The following GADD45A variants were observed in gnomAD, a reference collection of about 807,000 sequenced individuals.
GADD45A encodes growth arrest and DNA damage inducible alpha, also known as growth arrest and DNA damage-inducible protein GADD45 alpha.
Under a neutral mutation model 17.7 loss-of-function variants are expected in GADD45A, and 9 were observed. The ratio of observed to expected loss-of-function variants is 0.51; its 90% confidence interval spans 0.31 to 0.89. GADD45A has a LOEUF of 0.89. Among genes scored for constraint, GADD45A ranks in the 40% least tolerant of loss-of-function variants. The pLI, the probability that GADD45A is intolerant of heterozygous loss-of-function variation, is 0.05. For synonymous variants in GADD45A, 95 were observed against 92.2 expected, an observed-to-expected ratio of 1.03 and a Z score of -0.17; for missense variants, 149 against 220.6, an observed-to-expected ratio of 0.68 and a Z score of 2.06.
Position 67,685,296 on chromosome 1 carries a change from C to G in GADD45A, c.-199C>G, listed in dbSNP as rs1410829780. On this transcript the variant is annotated 5_prime_UTR_variant, in exon 1 of 4. Coordinates refer to ENST00000370986, the MANE Select transcript of GADD45A (RefSeq NM_001924.4). Reference sequence around the variant, plus strand: ...CCGGGGAGCGAGCGAGCAAGCAAGGCGGGAGGGGTGGCCGGAGCTGCGGCG... The same window carrying G: ...CCGGGGAGCGAGCGAGCAAGCAAGGGGGGAGGGGTGGCCGGAGCTGCGGCG... 3 of 533,916 alleles carry G rather than the reference C, an allele frequency of 5.6e-6. No individual in the cohort carries two copies. In the African/African-American group the frequency reaches 6.1e-5, roughly 11 times the overall value. The allele number at this position is 533,916 out of a possible 1,614,324, so 33.1% of individuals were successfully genotyped here.
rs1646147858 is a variant in GADD45A, at chr1:67,688,028, A to G, written c.*254A>G. On this transcript the variant is annotated 3_prime_UTR_variant, in exon 4 of 4. Transcript: ENST00000370986. The stretch of plus-strand genomic sequence containing the variant: ...AAAGGAACAAAAATTACAAAGAACC[A>G]TGCAGGAAGGAAAACTATGTATTAA... 2 of 392,500 alleles carry G rather than the reference A, an allele frequency of 5.1e-6. No individual in the cohort carries two copies. The highest frequency in any genetic ancestry group is 3.9e-5 in the East Asian group (1 of 25,824). 24.3% of individuals were successfully genotyped at this position (392,500 alleles called of 1,614,324 possible).
chr1:67,685,551 G>GC lies in GADD45A; in HGVS notation c.44+14dup. On this transcript the variant is annotated intron_variant, in intron 1 of 3. Coordinates refer to ENST00000370986, the MANE Select transcript of GADD45A (RefSeq NM_001924.4). ...AGAAGACCGAAAGGTGAGTCGGCCT[G>GC]CGGACTCTTCCGGCCCGAACTTCTC... 1.2e-6 allele frequency: 2 copies of GC among 1,602,348 alleles called. No individual in the cohort carries two copies. Among genetic ancestry groups the GC allele is most frequent in the Non-Finnish European group, 1.7e-6 (2 of 1,173,720 alleles).
chr1:67,687,645 A>G lies in GADD45A; in HGVS notation c.385-16A>G, dbSNP rs769661908. On this transcript the variant is annotated splice_polypyrimidine_tract_variant and intron_variant, in intron 3 of 3. Transcript: ENST00000370986. ...TGGTTTTTAAAATAAGTTTATTTTT[A>G]TAAATTTGTTTCCAGAATCCACATT... 1 of 1,442,346 alleles carries G rather than the reference A, an allele frequency of 6.9e-7. No homozygotes were observed. The highest frequency in any genetic ancestry group is 9.8e-7 in the Non-Finnish European group (1 of 1,024,996). The allele number at this position is 1,442,346 out of a possible 1,614,324, so 89.3% of individuals were successfully genotyped here.
intron 3 of GADD45A, 116 bp from the exon 4 acceptor site, chr1:67,687,545 T>C (rs1646144338): frequency 1.5e-6 from 1 of 658,250 alleles, no homozygotes; most frequent in Admixed American, 2.8e-5. Context: ...GCTTCTAATT[T>C]GTCTCCATGT....
Position 67,685,515 on chromosome 1 carries a change from G to A in GADD45A, c.21G>A (p.Ser7=). Residue 7 remains serine (S), a synonymous_variant, in exon 1 of 4, where the codon TCG becomes TCA. Transcript: ENST00000370986. MTLEEF[S]AGEQKTERMD... ...GCAATATGACTTTGGAGGAATTCTC[G>A]GCTGGAGAGCAGAAGACCGAAAGGT... is the stretch of plus-strand genomic sequence containing the variant. The A allele has an allele frequency of 6.2e-7, 1 of 1,610,612 alleles. No individual in the cohort carries two copies. The highest frequency in any genetic ancestry group is 1.7e-5 in the Admixed American group (1 of 59,716).
At chr1:67,685,996 C>A in intron 1 of GADD45A, 29 bp from the exon 2 acceptor site, 1 of 1,515,406 alleles carries the variant, frequency 6.6e-7, no homozygotes, top group South Asian at 1.2e-5. Context: ...CCGGGGCTGA[C>A]GGGACCCCTC....
intron 1 of GADD45A, 33 bp from the exon 2 acceptor site, chr1:67,685,992 C>A (rs760683816): frequency 1.3e-6 from 2 of 1,488,092 alleles, no homozygotes; most frequent in Non-Finnish European, 9.2e-7. Flanking sequence ...GGCACCGGGG[C>A]TGACGGGACC....
intron 1 of GADD45A, 110 bp downstream of exon 1, chr1:67,685,648 A>G (rs1416723698): frequency 1.1e-5 from 12 of 1,067,086 alleles, no homozygotes; most frequent in Non-Finnish European, 1.4e-5. Context: ...AAAAGTTTGC[A>G]CAGGGCAACT....
rs3783463 is a variant in GADD45A, at chr1:67,685,711, C to T, written c.44+173C>T. ...GTGGAGCTCCCACGGACTGAAAGAG[C>T]GTGCCCCCCAACCCGAACGAGCCCC... is the stretch of plus-strand genomic sequence containing the variant. On this transcript the variant is annotated intron_variant, in intron 1 of 3. Transcript: ENST00000370986. The T allele has an allele frequency of 7.3e-6, 5 of 685,818 alleles. No individual in the cohort carries two copies. The East Asian group carries it at 8.5e-5, about 12-fold the overall frequency. The allele number at this position is 685,818 out of a possible 1,614,324, so 42.5% of individuals were successfully genotyped here.
chr1:67,685,724 C>T, intron 1 of GADD45A, 186 bp downstream of exon 1: 4 of 648,144 alleles, frequency 6.2e-6, no homozygotes, highest in Non-Finnish European at 8.0e-6. Context: ...GCCCCCCAAC[C>T]CGAACGAGCC....
Position 67,686,399 on chromosome 1 carries a change from G to A in GADD45A, c.196G>A (p.Asp66Asn). The A allele has an allele frequency of 6.2e-7, 1 of 1,613,626 alleles. No individual in the cohort carries two copies. Among genetic ancestry groups the A allele is most frequent in the Non-Finnish European group, 8.5e-7 (1 of 1,179,832 alleles). The change falls in exon 3 of 4, where the codon GAC becomes AAC. Residue 66 changes from aspartate (D) to asparagine (N), a missense_variant. Transcript: ENST00000370986. The part of the protein sequence containing the change: ...LCLLAADEDD[D>N]RDVALQIHFT... The stretch of plus-strand genomic sequence containing the variant: ...CCTGCTGGCGGCGGACGAGGACGAC[G>A]ACAGAGATGTGGCTCTGCAGATCCA...
Position 67,688,062 on chromosome 1 carries a change from G to T in GADD45A, c.*288G>T. 3.4e-6 allele frequency: 1 copy of T among 294,116 alleles called. No homozygotes were observed. Among genetic ancestry groups the T allele is most frequent in the East Asian group, 5.8e-5 (1 of 17,128 alleles). The allele number at this position is 294,116 out of a possible 1,614,324, so 18.2% of individuals were successfully genotyped here. On this transcript the variant is annotated 3_prime_UTR_variant, in exon 4 of 4. Transcript: ENST00000370986. ...GGAAAACTATGTATTAATTTAGAATGGTTGAGTTACATTAAAATAAACCAA... is the reference window on the plus strand; with the variant it reads ...GGAAAACTATGTATTAATTTAGAATTGTTGAGTTACATTAAAATAAACCAA...
chr1:67,685,408 G>C lies in GADD45A; in HGVS notation c.-87G>C. ...CTGCCGGAGCGGCGCCTGTGAGTGA[G>C]TGCAGAAAGCAGGCGCCCGCGCGCT... On this transcript the variant is annotated 5_prime_UTR_variant, in exon 1 of 4. Transcript: ENST00000370986. 3.8e-6 allele frequency: 5 copies of C among 1,312,552 alleles called. No homozygotes were observed. The highest frequency in any genetic ancestry group is 5.4e-6 in the Non-Finnish European group (5 of 932,524). The allele number at this position is 1,312,552 out of a possible 1,614,324, so 81.3% of individuals were successfully genotyped here. A position where few individuals can be genotyped will look rare whatever the true frequency, so the allele number is the denominator to read the frequency against.
chr1:67,685,634 G>T, intron 1 of GADD45A, 96 bp downstream of exon 1: 12 of 1,319,460 alleles, frequency 9.1e-6, no homozygotes, highest in Non-Finnish European at 1.2e-5. Flanking sequence ...AGGGGAGGAA[G>T]CTAAAAAGTT....
intron 3 of GADD45A, 51 bp downstream of exon 3, chr1:67,686,638 G>A: frequency 4.0e-6 from 6 of 1,509,546 alleles, no homozygotes; most frequent in Non-Finnish European, 5.4e-6. Flanking sequence ...GGAAGGACGG[G>A]AGTCAGGGCT....
chr1:67,685,305 T>G lies in GADD45A; in HGVS notation c.-190T>G. 1 of 529,882 alleles carries G rather than the reference T, an allele frequency of 1.9e-6. No individual in the cohort carries two copies. The allele number at this position is 529,882 out of a possible 1,614,324, so 32.8% of individuals were successfully genotyped here. Reference sequence around the variant, plus strand: ...GAGCGAGCAAGCAAGGCGGGAGGGGTGGCCGGAGCTGCGGCGGCTGGCACA... The same window carrying G: ...GAGCGAGCAAGCAAGGCGGGAGGGGGGGCCGGAGCTGCGGCGGCTGGCACA... On this transcript the variant is annotated 5_prime_UTR_variant, in exon 1 of 4. Coordinates refer to ENST00000370986, the MANE Select transcript of GADD45A (RefSeq NM_001924.4).
At position 67,685,521 on chromosome 1, in the gene GADD45A, A is replaced by G. The variant is rs532285587; in HGVS notation, c.27A>G (p.Gly9=). The G allele has an allele frequency of 3.1e-6, 5 of 1,610,108 alleles. No homozygotes were observed. The African/African-American group carries it at 5.3e-5, about 17-fold the overall frequency. MTLEEFSA[G]EQKTERMDKV... ...TGACTTTGGAGGAATTCTCGGCTGG[A>G]GAGCAGAAGACCGAAAGGTGAGTCG... Residue 9 remains glycine (G), a synonymous_variant, in exon 1 of 4, where the codon GGA becomes GGG. Transcript: ENST00000370986.
chr1:67,685,450 GC>G lies in GADD45A; in HGVS notation c.-42del. On this transcript the variant is annotated 5_prime_UTR_variant, in exon 1 of 4. Transcript: ENST00000370986. The stretch of plus-strand genomic sequence containing the variant: ...CCGCGCGCTAGCCGTGGCAGGAGCA[GC>G]CCGCACGCCGCGCTCTCTCCCTGGG... 1 of 1,578,296 alleles carries G rather than the reference GC, an allele frequency of 6.3e-7. No homozygotes were observed. Among genetic ancestry groups the G allele is most frequent in the Non-Finnish European group, 8.6e-7 (1 of 1,158,860 alleles).
chr1:67,685,782 G>A (rs914971557), intron 1 of GADD45A: 1 of 595,856 alleles, frequency 1.7e-6, no homozygotes, highest in Non-Finnish European at 3.0e-6. Context: ...CTGCCCGTGC[G>A]GCTCCCGTGG....
Sources: gnomAD v4.1 joint callset for allele counts on GRCh38, gnomAD v4.1.1 for gene constraint, MANE v1.5 for transcripts, NCBI Gene and HGNC (gene_info 2026-07-23, HGNC 2026-07-21) for gene names.